NPAS2: variants seen among roughly 807,000 people sequenced by gnomAD.
NPAS2 encodes neuronal PAS domain protein 2, also known as neuronal PAS domain-containing protein 2.
Under a neutral mutation model 107.5 loss-of-function variants are expected in NPAS2, and 23 were observed. The observed-to-expected ratio is 0.21, with a 90% CI of 0.15 to 0.30. NPAS2 has a LOEUF of 0.30. NPAS2 is among the 10% of genes least tolerant of loss of function. The probability of loss-of-function intolerance (pLI) is 1.00; values close to 1 mark genes in which losing one functional copy is unlikely to be tolerated. For missense variants in NPAS2, 756 were observed against 1,043.3 expected, an observed-to-expected ratio of 0.72 and a Z score of 3.79; for synonymous variants, 403 against 417.5, an observed-to-expected ratio of 0.97 and a Z score of 0.42.
chr2:100,825,037 G>T (rs1319614898), intron 1 of NPAS2, among the ~76,000 whole-genome samples: 1 of 152,150 alleles, frequency 6.6e-6, no homozygotes, highest in East Asian at 1.9e-4. Flanking sequence ...TGAGAGGTTG[G>T]ACCCTAGGAC....
chr2:100,982,196 T>C, intron 15 of NPAS2, 35 bp from the exon 16 acceptor site: 1 of 1,613,216 alleles, frequency 6.2e-7, no homozygotes, highest in Admixed American at 1.7e-5. Context: ...AAATAACTCT[T>C]TCATCTGATT....
intron 1 of NPAS2, among the ~76,000 whole-genome samples, chr2:100,855,150 C>T (rs560445869): frequency 3.2e-4 from 48 of 152,186 alleles, no homozygotes; most frequent in Admixed American, 1.4e-3. Flanking sequence ...CTCTTCACAC[C>T]GCTGTTCTAG....
rs566305908 is a variant in NPAS2, at chr2:100,873,936, C to T, written c.-22-30797C>T. Among the ~76,000 whole-genome samples, 5 of 152,202 alleles carry T rather than the reference C, an allele frequency of 3.3e-5. No homozygotes were observed. In the South Asian group the frequency reaches 1.0e-3, roughly 32 times the overall value. The stretch of plus-strand genomic sequence containing the variant: ...GAAAAATAAGAGGGGCTTCTAGAAG[C>T]CTTTGTTCAGCTGGCAGTTTTATAT... On this transcript the variant is annotated intron_variant, in intron 1 of 20. Coordinates refer to ENST00000335681, the MANE Select transcript of NPAS2 (RefSeq NM_002518.4).
chr2:100,893,048 T>C (rs544613971), intron 1 of NPAS2, among the ~76,000 whole-genome samples: 2 of 152,296 alleles, frequency 1.3e-5, no homozygotes, highest in African/African-American at 2.4e-5. Context: ...ACTGAATGAA[T>C]CATTGCAACA....
At position 100,975,519 on chromosome 2, in the gene NPAS2, G is replaced by T; in HGVS notation, c.1344G>T (p.Leu448=). ...STPALPRSAT[L]PQELPVPGLS... is the part of the protein sequence containing the mutation. ...CGGCTTTGCCAAGATCAGCCACCCT[G>T]CCCCAAGAGTTACCTGTCCCCGGGC... Residue 448 remains leucine, a synonymous_variant, in exon 14 of 21, where the codon CTG becomes CTT. Coordinates refer to ENST00000335681, the MANE Select transcript of NPAS2 (RefSeq NM_002518.4). 2 of 1,612,942 alleles carry T rather than the reference G, an allele frequency of 1.2e-6. No individual in the cohort carries two copies. The highest frequency in any genetic ancestry group is 1.1e-5 in the South Asian group (1 of 90,824).
chr2:100,952,852 G>GT (rs34286637), intron 7 of NPAS2, among the ~76,000 whole-genome samples: 23,895 of 133,362 alleles, frequency 0.18, 2,194 homozygotes, highest in Non-Finnish European at 0.23. Context: ...TATGTGTGAG[G>GT]TTTTTTTTTT....
chr2:100,845,302 C>T (rs1023993781), intron 1 of NPAS2, among the ~76,000 whole-genome samples: 1 of 152,154 alleles, frequency 6.6e-6, no homozygotes, highest in Non-Finnish European at 1.5e-5. Flanking sequence ...CTGACTTCTT[C>T]CAAGTCTGAC....
intron 7 of NPAS2, among the ~76,000 whole-genome samples, chr2:100,954,021 C>A (rs1219855549): frequency 6.6e-6 from 1 of 152,222 alleles, no homozygotes; most frequent in Non-Finnish European, 1.5e-5. Flanking sequence ...CAGGGCCACA[C>A]AGAGAAGCAC....
chr2:100,860,496 C>A (rs1678872137), intron 1 of NPAS2, among the ~76,000 whole-genome samples: 1 of 152,186 alleles, frequency 6.6e-6, no homozygotes, highest in Admixed American at 6.5e-5. Flanking sequence ...TCAAGCCTCA[C>A]CCACTAGTTT....
In NPAS2 at chr2:100,923,865, C is replaced by T. The variant is rs563532394; in HGVS notation, c.33-1281C>T. On this transcript the variant is annotated intron_variant, in intron 2 of 20. Transcript: ENST00000335681. ...GAGGCCCCTCGAGTAGCACTGCTTC[C>T]GGACTTTTCAGGAGGGCTTTTTGCA... 9.0e-4 allele frequency among the ~76,000 whole-genome samples: 137 copies of T among 152,188 alleles called. 1 individual carries two copies. Among genetic ancestry groups the T allele is most frequent in the African/African-American group, 3.2e-3 (131 of 41,540 alleles).
At chr2:100,950,104 T>C (rs993883278) in intron 7 of NPAS2, among the ~76,000 whole-genome samples, 3 of 152,238 alleles carry the variant, frequency 2.0e-5, no homozygotes, top group African/African-American at 7.2e-5. Flanking sequence ...TTATTTTTAC[T>C]TTTGAACCAT....
intron 1 of NPAS2, chr2:100,847,345 T>C (rs1376963876): frequency 6.6e-6 from 1 of 152,228 alleles, no homozygotes; most frequent in East Asian, 1.9e-4. Context: ...GCACTTTAGA[T>C]TATGTATACT....
At chr2:100,842,015 CACAT>C (rs746765510) in intron 1 of NPAS2, among the ~76,000 whole-genome samples, 5 of 152,080 alleles carry the variant, frequency 3.3e-5, no homozygotes, top group Non-Finnish European at 5.9e-5. Context: ...CACATATACA[CACAT>C]GCATGTATGC....
At chr2:100,863,878 T>C (rs1421729896) in intron 1 of NPAS2, among the ~76,000 whole-genome samples, 1 of 152,192 alleles carries the variant, frequency 6.6e-6, no homozygotes, top group African/African-American at 2.4e-5. Flanking sequence ...TCTCTCTCTC[T>C]CATGGACAGT....
intron 1 of NPAS2, among the ~76,000 whole-genome samples, chr2:100,850,256 A>G (rs774708781): frequency 6.6e-6 from 1 of 152,204 alleles, no homozygotes; most frequent in African/African-American, 2.4e-5. Context: ...AACTGATACT[A>G]TAATCGAGTT....
Position 100,977,934 on chromosome 2 carries a change from C to T in NPAS2, c.1482+135C>T, listed in dbSNP as rs1677131298. On this transcript the variant is annotated intron_variant, in intron 15 of 20. Coordinates refer to ENST00000335681, the MANE Select transcript of NPAS2 (RefSeq NM_002518.4). ...AATGTCCCTCCCAATGTGTGTGTGG[C>T]CTGTGTCGAGCCATGAGGTTCCCCC... The T allele has an allele frequency of 2.1e-5, 15 of 728,242 alleles. No individual in the cohort carries two copies. The East Asian group carries it at 4.0e-4, about 20-fold the overall frequency. The allele number at this position is 728,242 out of a possible 1,614,324, so 45.1% of individuals were successfully genotyped here.
intron 1 of NPAS2, among the ~76,000 whole-genome samples, chr2:100,880,184 G>C (rs1054750774): frequency 3.3e-5 from 5 of 152,210 alleles, no homozygotes; most frequent in African/African-American, 1.2e-4. Flanking sequence ...ATGTAAACTG[G>C]TGCAGCCGCT....
chr2:100,882,552 G>A (rs1023285028), intron 1 of NPAS2, among the ~76,000 whole-genome samples: 6 of 152,236 alleles, frequency 3.9e-5, no homozygotes, highest in Admixed American at 3.9e-4. Context: ...GGCGGAGGTT[G>A]CAGTGAGCCG....
At chr2:100,899,530 T>C (rs1681640063) in intron 1 of NPAS2, among the ~76,000 whole-genome samples, 1 of 152,184 alleles carries the variant, frequency 6.6e-6, no homozygotes, top group African/African-American at 2.4e-5. Context: ...GGCCTGGACT[T>C]TTCTTAATAA....
Sources: allele counts gnomAD v4.1 joint callset (sites outside exome capture counted in the v4.1 genomes callset), GRCh38; gene constraint gnomAD v4.1.1; transcripts MANE v1.5; gene names NCBI Gene and HGNC (gene_info 2026-07-23, HGNC 2026-07-21).